Variants in MSRA observed in about 807,000 individuals in gnomAD.
MSRA encodes mitochondrial peptide methionine sulfoxide reductase.
A neutral mutation model predicts 31.3 loss-of-function variants in MSRA; 54 were observed. The ratio of observed to expected loss-of-function variants is 1.73; its 90% CI spans 1.39 to 2.17. The LOEUF (loss-of-function observed/expected upper bound fraction) is 2.17, where lower values mean the gene tolerates loss of function less well. Ranked by LOEUF, MSRA falls within the 30% of genes most tolerant of loss-of-function variation. The pLI is 0.00. For synonymous variants in MSRA, 169 were observed against 116.5 expected, an observed-to-expected ratio of 1.45 and a Z score of -2.90; for missense variants, 507 against 300.9, an observed-to-expected ratio of 1.69 and a Z score of -5.07.
intron 4 of MSRA, among the ~76,000 whole-genome samples, chr8:10,309,804 G>A (rs1446547119): frequency 1.3e-5 from 2 of 152,168 alleles, no homozygotes; most frequent in Admixed American, 6.5e-5. Flanking sequence ...CCAGACGTGT[G>A]CAGTCACCAC....
intron 5 of MSRA, among the ~76,000 whole-genome samples, chr8:10,425,255 A>T (rs554611674): frequency 3.9e-5 from 6 of 152,310 alleles, no homozygotes; most frequent in Admixed American, 3.9e-4. Flanking sequence ...GGACCCGTCC[A>T]TGAGGTCCCA....
intron 4 of MSRA, among the ~76,000 whole-genome samples, chr8:10,315,708 T>C (rs558837309): frequency 6.6e-6 from 1 of 152,334 alleles, no homozygotes; most frequent in East Asian, 1.9e-4. Context: ...TGGGGCACTT[T>C]GGCTGTAAAA....
intron 1 of MSRA, among the ~76,000 whole-genome samples, chr8:10,152,197 G>C (rs567707807): frequency 6.6e-6 from 1 of 152,186 alleles, no homozygotes; most frequent in Middle Eastern, 3.4e-3. Context: ...TATAGACAGA[G>C]AACAAAACTG....
intron 5 of MSRA, among the ~76,000 whole-genome samples, chr8:10,397,583 G>C (rs1404218924): frequency 6.6e-6 from 1 of 152,188 alleles, no homozygotes; most frequent in Non-Finnish European, 1.5e-5. Context: ...ATCTTTCATT[G>C]GTCTTCATCC....
At chr8:10,360,133 C>T (rs1205231647) in intron 5 of MSRA, among the ~76,000 whole-genome samples, 1 of 152,198 alleles carries the variant, frequency 6.6e-6, no homozygotes, top group Non-Finnish European at 1.5e-5. Context: ...TGTGCTGCTG[C>T]TGCTGGAGTG....
intron 1 of MSRA, among the ~76,000 whole-genome samples, chr8:10,092,437 T>C (rs1318025927): frequency 2.7e-4 from 41 of 152,154 alleles, no homozygotes; most frequent in Admixed American, 2.7e-3. Flanking sequence ...GGTGGGCAGA[T>C]CACGAGGTCA....
chr8:10,147,172 C>T (rs866349770), intron 1 of MSRA, among the ~76,000 whole-genome samples: 45 of 152,236 alleles, frequency 3.0e-4, no homozygotes, highest in African/African-American at 8.2e-4. Context: ...GAGGGTCTGA[C>T]GGGTCCTCAG....
At chr8:10,255,509 G>C (rs548753650) in intron 3 of MSRA, among the ~76,000 whole-genome samples, 1 of 152,310 alleles carries the variant, frequency 6.6e-6, no homozygotes, top group African/African-American at 2.4e-5. Flanking sequence ...CGGCAGGTAA[G>C]GAGCTGCTGG....
chr8:10,284,126 C>A (rs1433556677), intron 3 of MSRA, among the ~76,000 whole-genome samples: 1 of 151,962 alleles, frequency 6.6e-6, no homozygotes, highest in African/African-American at 2.4e-5. Context: ...CACTGCTTTT[C>A]TGCTTTTCTT....
intron 1 of MSRA, among the ~76,000 whole-genome samples, chr8:10,062,183 A>G (rs1347069659): frequency 6.6e-6 from 1 of 152,206 alleles, no homozygotes; most frequent in African/African-American, 2.4e-5. Flanking sequence ...GCAGCGTGCC[A>G]TCAATCATCC....
chr8:10,217,098 C>T (rs2129065046), intron 2 of MSRA, among the ~76,000 whole-genome samples: 1 of 152,304 alleles, frequency 6.6e-6, no homozygotes, highest in South Asian at 2.1e-4. Flanking sequence ...TATAGCCATC[C>T]TAATGGGTGT....
chr8:10,274,006 C>T (rs1041515283), intron 3 of MSRA, among the ~76,000 whole-genome samples: 1 of 152,088 alleles, frequency 6.6e-6, no homozygotes, highest in African/African-American at 2.4e-5. Flanking sequence ...GTGAAGGAAG[C>T]CTCTGGGAAC....
intron 1 of MSRA, among the ~76,000 whole-genome samples, chr8:10,056,277 T>C (rs1013024096): frequency 2.7e-5 from 4 of 150,672 alleles, no homozygotes; most frequent in African/African-American, 9.8e-5. Context: ...AAGGTCAAGA[T>C]GGACCAAAAT....
chr8:10,121,761 C>G (rs925348972), intron 1 of MSRA, among the ~76,000 whole-genome samples: 3 of 151,870 alleles, frequency 2.0e-5, no homozygotes, highest in Non-Finnish European at 4.4e-5. Flanking sequence ...GCTTCAGACT[C>G]CTAAGCTCAA....
intron 5 of MSRA, among the ~76,000 whole-genome samples, chr8:10,327,899 C>T (rs758380173): frequency 2.0e-5 from 3 of 152,070 alleles, no homozygotes; most frequent in Admixed American, 6.6e-5. Flanking sequence ...CGCCACTGCA[C>T]TCCAGCCTGG....
intron 1 of MSRA, among the ~76,000 whole-genome samples, chr8:10,133,739 A>G (rs1206155036): frequency 1.3e-5 from 2 of 152,242 alleles, no homozygotes; most frequent in African/African-American, 4.8e-5. Flanking sequence ...GTGACTGTTA[A>G]GACTGTGATA....
At chr8:10,140,751 AAG>A (rs1802633202) in intron 1 of MSRA, among the ~76,000 whole-genome samples, 1 of 152,236 alleles carries the variant, frequency 6.6e-6, no homozygotes, top group Admixed American at 6.5e-5. Flanking sequence ...TAACTCCTTT[AAG>A]AGAGAAGTAC....
At chr8:10,252,995 A>G (rs1484453469) in intron 3 of MSRA, among the ~76,000 whole-genome samples, 1 of 152,234 alleles carries the variant, frequency 6.6e-6, no homozygotes. Flanking sequence ...TTGAAACCAA[A>G]GAGACGTGCA....
chr8:10,131,565 T>C (rs1801900071), intron 1 of MSRA, among the ~76,000 whole-genome samples: 1 of 152,216 alleles, frequency 6.6e-6, no homozygotes, highest in Non-Finnish European at 1.5e-5. Context: ...ATCCTGGATT[T>C]ACTGCTCGTT....
Sources: allele counts gnomAD v4.1 joint callset (sites outside exome capture counted in the v4.1 genomes callset), GRCh38; gene constraint gnomAD v4.1.1; transcripts MANE v1.5; gene names NCBI Gene and HGNC (gene_info 2026-07-23, HGNC 2026-07-21).